GGA1: variants seen among roughly 807,000 people sequenced by gnomAD.
The protein encoded by GGA1 is ADP-ribosylation factor-binding protein GGA1.
Under a neutral mutation model 76.9 loss-of-function variants are expected in GGA1, and 18 were observed. The observed-to-expected ratio is 0.23, with a 90% CI of 0.16 to 0.35. GGA1 has a LOEUF of 0.35. Among genes scored for constraint, GGA1 ranks in the 10% least tolerant of loss-of-function variants. The pLI is 1.00. For synonymous variants in GGA1, 342 were observed against 354.7 expected (o/e 0.96, Z 0.40); for missense variants, 755 against 859.0 (o/e 0.88, Z 1.51).
rs188630777 is a variant in GGA1 at position 37,625,770 on chromosome 22, T to A, written c.941-27T>A. ...TGAGAGACACGTGTACACCCAGGAC[T>A]TGCCAGCCTCTTCTTTCCCACCCCA... On this transcript the variant is annotated intron_variant, in intron 10 of 16. Transcript: ENST00000343632. The surrounding 1 kb of genome is among the most constrained non-coding windows in gnomAD (Gnocchi z 4.1). The A allele has an allele frequency of 5.4e-5, 83 of 1,532,428 alleles. No individual in the cohort carries two copies. In the African/African-American group the frequency reaches 1.1e-3, roughly 20 times the overall value. The allele number at this position is 1,532,428 out of a possible 1,614,324, so 94.9% of individuals were successfully genotyped here.
At chr22:37,609,792 G>A (rs1218698632) in intron 1 of GGA1, among the ~76,000 whole-genome samples, 1 of 152,192 alleles carries the variant, frequency 6.6e-6, no homozygotes, top group African/African-American at 2.4e-5. Flanking sequence ...TCTCTCCCAA[G>A]GCTTTAACTG....
chr22:37,621,841 C>G (rs1352326912), intron 7 of GGA1, 145 bp downstream of exon 7: 5 of 544,456 alleles, frequency 9.2e-6, no homozygotes, highest in Non-Finnish European at 1.6e-5. Flanking sequence ...GCTGGGGGAC[C>G]AGGGTGTGCA....
chr22:37,627,426 C>T (rs907181663), intron 11 of GGA1, among the ~76,000 whole-genome samples: 4 of 152,206 alleles, frequency 2.6e-5, no homozygotes, highest in East Asian at 1.9e-4. Flanking sequence ...AAGCTGCTTA[C>T]GAGCCCCATG....
chr22:37,630,073 A>T lies in GGA1; in HGVS notation c.1234A>T (p.Thr412Ser). The T allele has an allele frequency of 6.2e-7, 1 of 1,608,720 alleles. No individual in the cohort carries two copies. Among genetic ancestry groups the T allele is most frequent in the South Asian group, 1.1e-5 (1 of 90,920 alleles). The change falls in exon 13 of 17, where the codon ACA becomes TCA. Residue 412 changes from threonine to serine, a missense_variant. Coordinates refer to ENST00000343632, the MANE Select transcript of GGA1 (RefSeq NM_013365.5). Reference sequence around the variant, plus strand: ...TATGGAAAGCCGACCCCCAGCGCAGACATCCCTGCCAGCAAGCAGCGGTCT... The same window carrying T: ...TATGGAAAGCCGACCCCCAGCGCAGTCATCCCTGCCAGCAAGCAGCGGTCT... ...PSMESRPPAQ[T>S]SLPASSGLDD...
rs575539932 is a variant in GGA1 at position 37,626,030 on chromosome 22, G to C, written c.1093+81G>C. The C allele has an allele frequency of 4.3e-6, 5 of 1,153,792 alleles. No individual in the cohort carries two copies. In the East Asian group the frequency reaches 1.3e-4, roughly 30 times the overall value. The allele number at this position is 1,153,792 out of a possible 1,614,324, so 71.5% of individuals were successfully genotyped here. A position where few individuals can be genotyped will look rare whatever the true frequency, so the allele number is the denominator to read the frequency against. On this transcript the variant is annotated intron_variant, in intron 11 of 16. Coordinates refer to ENST00000343632, the MANE Select transcript of GGA1 (RefSeq NM_013365.5). ...TCCCAGGGCCCACTCACAGCTAGCG[G>C]AACCACGTACCCCAGGTGTGGATCC...
rs1297783691 is a variant in GGA1 at position 37,625,111 on chromosome 22, A to G, written c.940+35A>G. The G allele has an allele frequency of 6.5e-7, 1 of 1,535,582 alleles. No individual in the cohort carries two copies. The highest frequency in any genetic ancestry group is 2.4e-5 in the East Asian group (1 of 41,824). ...TGGCAGGAGAGCTGGGAGGGCACCC[A>G]TCAGGCTGGAGGGGCACAGAGAGTG... On this transcript the variant is annotated intron_variant, in intron 10 of 16. Coordinates refer to ENST00000343632, the MANE Select transcript of GGA1 (RefSeq NM_013365.5). This position sits in a 1 kb window ranked among gnomAD's most constrained non-coding sequence, Gnocchi z 4.1.
rs1930631789 is a variant in GGA1 at position 37,625,357 on chromosome 22, G to A, written c.940+281G>A. 6.6e-6 allele frequency among the ~76,000 whole-genome samples: 1 copy of A among 152,122 alleles called. No individual in the cohort carries two copies. The highest frequency in any genetic ancestry group is 1.5e-5 in the Non-Finnish European group (1 of 68,010). ...ACAAATCTGGCACCTGTTGTATAGG[G>A]CTAGATGACACCCCAGAGGCTTTAT... On this transcript the variant is annotated intron_variant, in intron 10 of 16. Transcript: ENST00000343632. This position sits in a 1 kb window ranked among gnomAD's most constrained non-coding sequence, Gnocchi z 4.1.
intron 1 of GGA1, 171 bp downstream of exon 1, chr22:37,609,074 C>A (rs1031411776): frequency 2.0e-6 from 3 of 1,490,834 alleles, no homozygotes. Flanking sequence ...GATGGAGGAC[C>A]CCGGCCCCGG....
intron 1 of GGA1, among the ~76,000 whole-genome samples, chr22:37,612,096 C>T (rs922476174): frequency 1.3e-5 from 2 of 151,940 alleles, no homozygotes; most frequent in African/African-American, 4.8e-5. Context: ...GCTGAGATTG[C>T]AGTGAGCCGA....
rs1029298218 is a variant in GGA1, at chr22:37,623,750, C to G, written c.832+117C>G. The G allele has an allele frequency of 5.5e-6, 4 of 729,158 alleles. No individual in the cohort carries two copies. Among genetic ancestry groups the G allele is most frequent in the Non-Finnish European group, 9.4e-6 (4 of 424,636 alleles). 45.2% of individuals were successfully genotyped at this position (729,158 alleles called of 1,614,324 possible). ...TGGAAGGAGCCACCACCAGGGGGCC[C>G]CCTTCTCCAGCACCGACCTTGGGTT... On this transcript the variant is annotated intron_variant, in intron 9 of 16. Coordinates refer to ENST00000343632, the MANE Select transcript of GGA1 (RefSeq NM_013365.5). The surrounding 1 kb of genome is among the most constrained non-coding windows in gnomAD (Gnocchi z 4.6).
In GGA1 at chr22:37,609,221, C is replaced by G. The variant is rs1236790003; in HGVS notation, c.43+318C>G. The G allele has an allele frequency of 4.0e-6, 5 of 1,242,720 alleles. No individual in the cohort carries two copies. The East Asian group carries it at 2.7e-4, about 67-fold the overall frequency. The allele number at this position is 1,242,720 out of a possible 1,614,324, so 77.0% of individuals were successfully genotyped here. On this transcript the variant is annotated intron_variant, in intron 1 of 16. Transcript: ENST00000343632. ...CCAACCCCCAAGGCTCACATTGCTT[C>G]ACGGAGTAGCGGCCCGGGGAAGGAG...
At chr22:37,628,330 T>C (rs916151952) in intron 11 of GGA1, among the ~76,000 whole-genome samples, 1 of 152,166 alleles carries the variant, frequency 6.6e-6, no homozygotes, top group Non-Finnish European at 1.5e-5. Context: ...CCCAAATAGC[T>C]GGGATTACAG....
chr22:37,631,975 C>T (rs1484152990), intron 14 of GGA1, 21 bp from the exon 15 acceptor site: 2 of 1,590,220 alleles, frequency 1.3e-6, no homozygotes, highest in South Asian at 2.2e-5. Context: ...TGTCCCATCG[C>T]CCTCCCACCT....
chr22:37,621,481 C>T (rs1929876731), intron 6 of GGA1, 135 bp from the exon 7 acceptor site: 1 of 629,936 alleles, frequency 1.6e-6, no homozygotes, highest in Non-Finnish European at 2.9e-6. Context: ...TCAGTAAATT[C>T]TCACCATTTC....
intron 6 of GGA1, 137 bp downstream of exon 6, chr22:37,621,050 G>A (rs554551921): frequency 1.7e-5 from 11 of 665,238 alleles, no homozygotes; most frequent in African/African-American, 1.4e-4. Context: ...GATGATGGGC[G>A]CTGTTTACTG....
At position 37,608,917 on chromosome 22, in the gene GGA1, A is replaced by C. The variant is rs1601481910; in HGVS notation, c.43+14A>C. On this transcript the variant is annotated intron_variant, in intron 1 of 16. Transcript: ENST00000343632. Reference sequence around the variant, plus strand: ...AGGCGCGAATCAGTGAGTGTCCGGGAGGGGCGCGGGCCGGACCGGAACCGG... The same window carrying C: ...AGGCGCGAATCAGTGAGTGTCCGGGCGGGGCGCGGGCCGGACCGGAACCGG... 7.7e-7 allele frequency: 1 copy of C among 1,296,576 alleles called. No individual in the cohort carries two copies. The highest frequency in any genetic ancestry group is 9.8e-7 in the Non-Finnish European group (1 of 1,024,322). 80.3% of individuals were successfully genotyped at this position (1,296,576 alleles called of 1,614,324 possible).
intron 1 of GGA1, 77 bp downstream of exon 1, chr22:37,608,980 C>G (rs1040928625): frequency 2.3e-6 from 3 of 1,322,292 alleles, no homozygotes; most frequent in African/African-American, 3.1e-5. Flanking sequence ...CCGGCGGGGG[C>G]GGGGTACGGG....
At chr22:37,622,007 A>G (rs1929980262) in intron 7 of GGA1, among the ~76,000 whole-genome samples, 1 of 152,080 alleles carries the variant, frequency 6.6e-6, no homozygotes, top group African/African-American at 2.4e-5. Context: ...AAAAATACTA[A>G]GTATTTTTAA....
chr22:37,629,395 C>A, intron 11 of GGA1, 67 bp from the exon 12 acceptor site: 1 of 1,104,520 alleles, frequency 9.1e-7, no homozygotes, highest in Non-Finnish European at 1.3e-6. Flanking sequence ...GCACACATGG[C>A]CCCTCGGCTC....
Sources: gnomAD v4.1 joint callset for allele counts (sites outside exome capture counted in the v4.1 genomes callset) on GRCh38, gnomAD v4.1.1 for gene constraint, Gnocchi (gnomAD v3.1) non-coding constraint, MANE v1.5 for transcripts, NCBI Gene and HGNC (gene_info 2026-07-23, HGNC 2026-07-21) for gene names.